Variants in TAOK3 observed in about 807,000 individuals in gnomAD.
TAOK3 encodes the protein serine/threonine-protein kinase TAO3.
In TAOK3, 40 loss-of-function variants were observed where a neutral mutation model predicts 120.4. The observed-to-expected ratio is 0.33, with a 90% CI of 0.26 to 0.43. TAOK3 has a LOEUF of 0.43. Ranked by LOEUF, TAOK3 falls within the 20% of genes least tolerant of loss-of-function variation. TAOK3 has a pLI of 1.00. For missense variants in TAOK3, 821 were observed against 1,112.1 expected, an observed-to-expected ratio of 0.74 and a Z score of 3.72; for synonymous variants, 355 against 387.5, an observed-to-expected ratio of 0.92 and a Z score of 0.99.
intron 1 of TAOK3, among the ~76,000 whole-genome samples, chr12:118,349,659 T>C (rs1230609855): frequency 6.6e-6 from 1 of 152,210 alleles, no homozygotes; most frequent in African/African-American, 2.4e-5. Flanking sequence ...GAAAATGTTC[T>C]AGAGTTAGAT....
chr12:118,187,429 T>C (rs1202523587), intron 14 of TAOK3, among the ~76,000 whole-genome samples: 1 of 152,190 alleles, frequency 6.6e-6, no homozygotes, highest in Non-Finnish European at 1.5e-5. Flanking sequence ...AAATATTTTA[T>C]GATATTCCAG....
chr12:118,232,204 T>C (rs1299201404), intron 9 of TAOK3, among the ~76,000 whole-genome samples: 1 of 152,186 alleles, frequency 6.6e-6, no homozygotes, highest in Non-Finnish European at 1.5e-5. Context: ...TTGTTAAATT[T>C]ACCAGTATAC....
intron 1 of TAOK3, among the ~76,000 whole-genome samples, chr12:118,338,763 G>A (rs1156825812): frequency 7.2e-6 from 1 of 139,092 alleles, no homozygotes; most frequent in African/African-American, 2.7e-5. Flanking sequence ...CTGCAGTGTG[G>A]TCGACAGAGT....
chr12:118,301,841 CAAAA>C (rs777882071), intron 1 of TAOK3, among the ~76,000 whole-genome samples: 3 of 69,072 alleles, frequency 4.3e-5, no homozygotes, highest in Non-Finnish European at 5.9e-5. Context: ...GACTCCATCT[CAAAA>C]AAAAAAAAAA....
At chr12:118,252,099 C>T (rs577779505) in intron 3 of TAOK3, among the ~76,000 whole-genome samples, 1 of 152,334 alleles carries the variant, frequency 6.6e-6, no homozygotes, top group East Asian at 1.9e-4. Flanking sequence ...GGACTACAGG[C>T]ATGAGCCACT....
chr12:118,272,291 C>CAAAAA (rs773516018), intron 1 of TAOK3, among the ~76,000 whole-genome samples: 4 of 64,124 alleles, frequency 6.2e-5, no homozygotes, highest in Non-Finnish European at 1.3e-4. Flanking sequence ...GACTCCATCT[C>CAAAAA]AAAAAAAAAA....
rs766172789 is a variant in TAOK3, at chr12:118,174,376, CT to C, written c.1696-1717del. 5.1e-3 allele frequency among the ~76,000 whole-genome samples: 674 copies of C among 133,002 alleles called. 2 individuals carry two copies. The highest frequency in any genetic ancestry group is 0.01 in the African/African-American group (374 of 36,336). 87.3% of individuals were successfully genotyped at this position (133,002 alleles called of 152,430 possible). ...GGGGTTATCTCAAATTGGCTTCTGG[CT>C]TTTTTTTTTTTTTCATGAGCATGTT... is the stretch of plus-strand genomic sequence containing the variant. On this transcript the variant is annotated intron_variant, in intron 16 of 20. Transcript: ENST00000392533.
In TAOK3 at chr12:118,172,083, C is replaced by T. The variant is rs560227964; in HGVS notation, c.1899+374G>A. ...GGAATAAATGCACTTAGTTATAGAG[C>T]ATCATAATGTTACTTAAATGTTTTA... On this transcript the variant is annotated intron_variant, in intron 17 of 20. Transcript: ENST00000392533. Among the ~76,000 whole-genome samples the T allele has an allele frequency of 3.3e-5, 5 of 152,312 alleles. No individual in the cohort carries two copies. The East Asian group carries it at 9.6e-4, about 29-fold the overall frequency.
intron 14 of TAOK3, 83 bp downstream of exon 14, chr12:118,189,724 G>T (rs1007964782): frequency 6.5e-6 from 10 of 1,531,324 alleles, no homozygotes; most frequent in Non-Finnish European, 8.1e-6. Flanking sequence ...CCATGAAGCC[G>T]AGACAGGCTC....
In TAOK3 at chr12:118,172,645, G is replaced by T; in HGVS notation, c.1711C>A (p.His571Asn). 6.2e-7 allele frequency: 1 copy of T among 1,614,098 alleles called. No homozygotes were observed. Among genetic ancestry groups the T allele is most frequent in the Non-Finnish European group, 8.5e-7 (1 of 1,179,988 alleles). The change falls in exon 17 of 21, where the codon CAT (histidine) becomes AAT (asparagine). Residue 571 changes from histidine to asparagine, a missense_variant. Transcript: ENST00000392533. Reference protein sequence around the residue: ...EKIKEEMNEDHSTPKKEKQER... With the variant: ...EKIKEEMNEDNSTPKKEKQER... Reference sequence around the variant, plus strand: ...TGCTTCTCTTTCTTGGGTGTGCTATGGTCCTCATTCATTTCCTAAAAAGAA... The same window carrying T: ...TGCTTCTCTTTCTTGGGTGTGCTATTGTCCTCATTCATTTCCTAAAAAGAA...
At chr12:118,299,341 G>C (rs1246175624) in intron 1 of TAOK3, among the ~76,000 whole-genome samples, 2 of 151,836 alleles carry the variant, frequency 1.3e-5, no homozygotes, top group Non-Finnish European at 2.9e-5. Context: ...GCCATTTATA[G>C]CTATCTTGAG....
rs1177828804 is a variant in TAOK3, at chr12:118,316,775, T to TAA, written c.-193-50017_-193-50016insTT. On this transcript the variant is annotated intron_variant, in intron 1 of 20. Coordinates refer to ENST00000392533, the MANE Select transcript of TAOK3 (RefSeq NM_016281.4). ...ACTCACATCTACAAACTACTAGAGC[T>TAA]ATTAAATAAATTTAGCAAAGTTCCA... 3.0e-3 allele frequency among the ~76,000 whole-genome samples: 451 copies of TAA among 152,248 alleles called. 3 individuals are homozygous for TAA. The highest frequency in any genetic ancestry group is 0.011 in the African/African-American group (442 of 41,548).
At chr12:118,177,084 T>G in intron 16 of TAOK3, 117 bp downstream of exon 16, 1 of 1,142,656 alleles carries the variant, frequency 8.8e-7, no homozygotes, top group East Asian at 2.4e-5. Flanking sequence ...TAGGGTATTC[T>G]AATGTAAAGT....
chr12:118,211,630 A>G (rs1437758519), intron 11 of TAOK3, among the ~76,000 whole-genome samples: 7 of 136,972 alleles, frequency 5.1e-5, no homozygotes, highest in Admixed American at 4.5e-4. Context: ...TTTTTTTTTT[A>G]AAGAGATGGT....
At chr12:118,207,858 TCACACACA>T (rs55978716) in intron 11 of TAOK3, among the ~76,000 whole-genome samples, 5 of 144,446 alleles carry the variant, frequency 3.5e-5, no homozygotes, top group Middle Eastern at 3.4e-3. Context: ...AGACTCTGTC[TCACACACA>T]CACACACACA....
chr12:118,223,009 C>A (rs1009869599), intron 9 of TAOK3, among the ~76,000 whole-genome samples: 1 of 151,002 alleles, frequency 6.6e-6, no homozygotes, highest in Non-Finnish European at 1.5e-5. Flanking sequence ...AAGAGTACGC[C>A]TATCTTTAGA....
rs767059244 is a variant in TAOK3, at chr12:118,243,465, G to T, written c.244C>A (p.Pro82Thr). The T allele has an allele frequency of 5.8e-6, 9 of 1,549,272 alleles. No individual in the cohort carries two copies. The highest frequency in any genetic ancestry group is 1.7e-4 in the Middle Eastern group (1 of 5,784). The change falls in exon 5 of 21, where the codon CCT becomes ACT. Residue 82 changes from proline (P) to threonine (T), a missense_variant. Around this residue, in one of 2 missense-constraint regions of TAOK3, gnomAD observed 467 missense variants for 540.0 expected, o/e 0.86. Coordinates refer to ENST00000392533, the MANE Select transcript of TAOK3 (RefSeq NM_016281.4). ...CAGCCTTTGTACTCAATAGTATTAG[G>T]ATGCTTCAATTGTCGTAAAAATTTA... Reference protein sequence around the residue: ...EVKFLRQLKHPNTIEYKGCYL... With the variant: ...EVKFLRQLKHTNTIEYKGCYL...
intron 3 of TAOK3, among the ~76,000 whole-genome samples, chr12:118,250,911 T>C (rs149579990): frequency 0.037 from 5,618 of 152,066 alleles, 140 homozygotes; most frequent in Non-Finnish European, 0.053. Flanking sequence ...GGGAGAAATA[T>C]TCGAGAGAGA....
At chr12:118,262,866 C>T (rs538661615) in intron 2 of TAOK3, among the ~76,000 whole-genome samples, 27 of 149,258 alleles carry the variant, frequency 1.8e-4, no homozygotes, top group Non-Finnish European at 3.3e-4. Flanking sequence ...GGGATCAATG[C>T]GACAAAGGAT....
Sources: gnomAD v4.1 joint callset for allele counts (sites outside exome capture counted in the v4.1 genomes callset) on GRCh38, gnomAD v4.1.1 for gene constraint, gnomAD v4.1.1 regional missense constraint, MANE v1.5 for transcripts, NCBI Gene and HGNC (gene_info 2026-07-23, HGNC 2026-07-21) for gene names.